NKAIN3: variants seen among roughly 807,000 people sequenced by gnomAD.
NKAIN3 encodes sodium/potassium-transporting ATPase subunit beta-1-interacting protein 3.
A neutral mutation model predicts 30.2 loss-of-function variants in NKAIN3; 25 were observed. The observed-to-expected ratio is 0.83, with a 90% CI of 0.60 to 1.16. The LOEUF is 1.16. NKAIN3 is among the 50% of genes most tolerant of loss of function. The pLI is 0.00. For missense variants in NKAIN3, 225 were observed against 254.1 expected, an observed-to-expected ratio of 0.89 and a Z score of 0.78; for synonymous variants, 91 against 89.6, an observed-to-expected ratio of 1.02 and a Z score of -0.09.
intron 3 of NKAIN3, among the ~76,000 whole-genome samples, chr8:62,718,204 G>A (rs950478811): frequency 4.6e-5 from 7 of 152,302 alleles, no homozygotes; most frequent in South Asian, 4.1e-4. Flanking sequence ...AATTCTGGGA[G>A]ATACAATTCA....
intron 4 of NKAIN3, among the ~76,000 whole-genome samples, chr8:62,781,276 G>A (rs1817345925): frequency 6.6e-6 from 1 of 151,780 alleles, no homozygotes; most frequent in Non-Finnish European, 1.5e-5. Flanking sequence ...TGAAAGAAAT[G>A]AGGAGGGCAC....
chr8:62,801,786 T>G (rs1464936662), intron 4 of NKAIN3, among the ~76,000 whole-genome samples: 1 of 152,184 alleles, frequency 6.6e-6, no homozygotes, highest in African/African-American at 2.4e-5. Context: ...TTTGACGAGT[T>G]GAGAGAAGAA....
chr8:62,283,025 A>G (rs936882767), intron 1 of NKAIN3, among the ~76,000 whole-genome samples: 3 of 152,184 alleles, frequency 2.0e-5, no homozygotes, highest in Non-Finnish European at 2.9e-5. Flanking sequence ...CCTAACAGCA[A>G]TGGCTCAAGT....
chr8:62,573,275 C>G (rs1810004560), intron 1 of NKAIN3, among the ~76,000 whole-genome samples: 1 of 152,118 alleles, frequency 6.6e-6, no homozygotes, highest in Admixed American at 6.5e-5. Flanking sequence ...AAGGTGTAAT[C>G]TAATAAAACA....
In NKAIN3 at chr8:62,981,985, A is replaced by G. The variant is rs538878844; in HGVS notation, c.*16578A>G. 6.6e-6 allele frequency: 1 copy of G among 152,210 alleles called. No individual in the cohort carries two copies. Among genetic ancestry groups the G allele is most frequent in the Non-Finnish European group, 1.5e-5 (1 of 68,032 alleles). 9.4% of individuals were successfully genotyped at this position (152,210 alleles called of 1,614,324 possible). A position where few individuals can be genotyped will look rare whatever the true frequency, so the allele number is the denominator to read the frequency against. On this transcript the variant is annotated 3_prime_UTR_variant, in exon 7 of 7. Coordinates refer to ENST00000623646, the MANE Select transcript of NKAIN3 (RefSeq NM_001304533.3). Reference sequence around the variant, plus strand: ...ATTAGAAACAGAGAATGAGAAAGGTATAGTAGATATTATGTAAATAAGCAG... The same window carrying G: ...ATTAGAAACAGAGAATGAGAAAGGTGTAGTAGATATTATGTAAATAAGCAG...
At position 62,971,644 on chromosome 8, in the gene NKAIN3, G is replaced by T. The variant is rs773186578; in HGVS notation, c.*6237G>T. On this transcript the variant is annotated 3_prime_UTR_variant, in exon 7 of 7. Transcript: ENST00000623646. ...CCAAACCTTGTCTCAAAAAAAAAGC[G>T]GGGGGGGCTTCATTTATTAGTAAGA... is the stretch of plus-strand genomic sequence containing the variant. 1.7e-5 allele frequency among the ~76,000 whole-genome samples: 2 copies of T among 115,426 alleles called. No individual in the cohort carries two copies. Among genetic ancestry groups the T allele is most frequent in the African/African-American group, 6.6e-5 (2 of 30,466 alleles). The allele number at this position is 115,426 out of a possible 152,430, so 75.7% of individuals were successfully genotyped here.
At chr8:62,747,471 C>G (rs1640133051) in intron 4 of NKAIN3, among the ~76,000 whole-genome samples, 1 of 152,142 alleles carries the variant, frequency 6.6e-6, no homozygotes, top group Admixed American at 6.5e-5. Flanking sequence ...ACTAATGCAC[C>G]TCAGTTCCAG....
chr8:62,528,388 G>A (rs942170548), intron 1 of NKAIN3, among the ~76,000 whole-genome samples: 7 of 146,130 alleles, frequency 4.8e-5, no homozygotes, highest in African/African-American at 1.8e-4. Context: ...AACACAAAAT[G>A]TTTCTATAAG....
chr8:62,715,272 C>T (rs544137009), intron 3 of NKAIN3, among the ~76,000 whole-genome samples: 59 of 152,114 alleles, frequency 3.9e-4, no homozygotes, highest in Non-Finnish European at 6.0e-4. Flanking sequence ...TAAATCGAAA[C>T]CATATCAAGG....
chr8:62,270,304 A>G (rs1812741130), intron 1 of NKAIN3, among the ~76,000 whole-genome samples: 1 of 152,016 alleles, frequency 6.6e-6, no homozygotes, highest in Non-Finnish European at 1.5e-5. Context: ...CTGGTCATGA[A>G]CTACTTGGCT....
rs151070865 is a variant in NKAIN3 at position 62,866,230 on chromosome 8, G to A, written c.472-52223G>A. 5.0e-3 allele frequency among the ~76,000 whole-genome samples: 754 copies of A among 152,146 alleles called. 4 individuals are homozygous for A. The highest frequency in any genetic ancestry group is 7.3e-3 in the Non-Finnish European group (497 of 68,008). On this transcript the variant is annotated intron_variant, in intron 4 of 6. Coordinates refer to ENST00000623646, the MANE Select transcript of NKAIN3 (RefSeq NM_001304533.3). ...AAAAGAGAAATGTGTTCATTGTGTCGAATGAAAAAATACATATATTTTCGA... is the reference window on the plus strand; with the variant it reads ...AAAAGAGAAATGTGTTCATTGTGTCAAATGAAAAAATACATATATTTTCGA...
chr8:62,349,640 A>G (rs191872653), intron 1 of NKAIN3, among the ~76,000 whole-genome samples: 2 of 152,286 alleles, frequency 1.3e-5, no homozygotes, highest in East Asian at 3.9e-4. Flanking sequence ...CACACACAGA[A>G]CACTAGTCGG....
chr8:62,318,109 A>AT (rs1325273864), intron 1 of NKAIN3, among the ~76,000 whole-genome samples: 3 of 152,004 alleles, frequency 2.0e-5, no homozygotes, highest in East Asian at 3.9e-4. Context: ...AATGCTTGTG[A>AT]TTTTTTGCAC....
intron 1 of NKAIN3, among the ~76,000 whole-genome samples, chr8:62,391,558 G>C (rs1036538913): frequency 6.6e-6 from 1 of 151,532 alleles, no homozygotes; most frequent in Non-Finnish European, 1.5e-5. Flanking sequence ...GAAAGAAGAA[G>C]AGAAAAGATA....
At chr8:62,466,033 A>G (rs975765039) in intron 1 of NKAIN3, among the ~76,000 whole-genome samples, 8 of 152,136 alleles carry the variant, frequency 5.3e-5, no homozygotes, top group Admixed American at 2.0e-4. Context: ...TAAAAAGAAA[A>G]AAGAAAGAAA....
At chr8:62,586,101 T>G (rs1165848366) in intron 2 of NKAIN3, among the ~76,000 whole-genome samples, 1 of 152,220 alleles carries the variant, frequency 6.6e-6, no homozygotes, top group Non-Finnish European at 1.5e-5. Flanking sequence ...CAAGTGAATT[T>G]GAAAAGTCCG....
At chr8:62,444,576 T>C (rs1563401658) in intron 1 of NKAIN3, among the ~76,000 whole-genome samples, 1 of 152,198 alleles carries the variant, frequency 6.6e-6, no homozygotes, top group Non-Finnish European at 1.5e-5. Context: ...CTTAGTAATA[T>C]TCCATTAGGT....
chr8:62,478,243 A>G (rs1419256890), intron 1 of NKAIN3, among the ~76,000 whole-genome samples: 1 of 152,198 alleles, frequency 6.6e-6, no homozygotes, highest in Non-Finnish European at 1.5e-5. Context: ...AGAGCCGGGT[A>G]TCCAGCTAGT....
chr8:62,563,478 A>G (rs901815233), intron 1 of NKAIN3, among the ~76,000 whole-genome samples: 1 of 152,156 alleles, frequency 6.6e-6, no homozygotes, highest in Non-Finnish European at 1.5e-5. Flanking sequence ...TTATATCTAT[A>G]TCAGTGTCTT....
Sources: allele counts gnomAD v4.1 joint callset (sites outside exome capture counted in the v4.1 genomes callset), GRCh38; gene constraint gnomAD v4.1.1; transcripts MANE v1.5; gene names NCBI Gene and HGNC (gene_info 2026-07-23, HGNC 2026-07-21).